Variants in C11orf65 observed in about 807,000 individuals in gnomAD.
The protein encoded by C11orf65 is chromosome 11 open reading frame 65.
In C11orf65, 38 loss-of-function variants were observed where a neutral mutation model predicts 35.3. The observed-to-expected ratio is 1.08, with a 90% CI of 0.83 to 1.41. C11orf65 has a LOEUF of 1.41. C11orf65 is among the 40% of genes most tolerant of loss of function. The probability of loss-of-function intolerance (pLI) is 0.00; values close to 1 mark genes in which losing one functional copy is unlikely to be tolerated. For missense variants in C11orf65, 370 were observed against 367.1 expected, an observed-to-expected ratio of 1.01 and a Z score of -0.06; for synonymous variants, 105 against 114.4, an observed-to-expected ratio of 0.92 and a Z score of 0.53.
chr11:108,444,079 T>G (rs1438699266), intron 2 of C11orf65, among the ~76,000 whole-genome samples: 1 of 151,972 alleles, frequency 6.6e-6, no homozygotes, highest in Non-Finnish European at 1.5e-5. Context: ...CTAGCAAGAC[T>G]AATAAAGAAG....
chr11:108,314,354 C>T (rs1368265985), intron 6 of C11orf65, among the ~76,000 whole-genome samples: 1 of 152,108 alleles, frequency 6.6e-6, no homozygotes, highest in East Asian at 1.9e-4. Context: ...AGTCTGCCTG[C>T]CTTGGCTACC....
At chr11:108,408,540 G>C (rs2092588980) in intron 3 of C11orf65, among the ~76,000 whole-genome samples, 1 of 151,644 alleles carries the variant, frequency 6.6e-6, no homozygotes, top group African/African-American at 2.4e-5. Flanking sequence ...GCTGGGTGTG[G>C]TGTCGGATGC....
intron 2 of C11orf65, among the ~76,000 whole-genome samples, chr11:108,445,883 T>TA (rs1290882453): frequency 1.3e-5 from 2 of 151,802 alleles, no homozygotes; most frequent in Non-Finnish European, 2.9e-5. Flanking sequence ...AAAAAAAAAT[T>TA]AGACGAATGG....
At chr11:108,446,533 A>C (rs1300248949) in intron 2 of C11orf65, among the ~76,000 whole-genome samples, 19 of 151,750 alleles carry the variant, frequency 1.3e-4, no homozygotes, top group Non-Finnish European at 2.5e-4. Context: ...AGCCAAACTA[A>C]GCTTCATCAG....
intron 2 of C11orf65, among the ~76,000 whole-genome samples, chr11:108,338,087 G>A (rs1334968514): frequency 1.3e-5 from 2 of 152,226 alleles, no homozygotes; most frequent in African/African-American, 2.4e-5. Context: ...GGTGGCCCAC[G>A]CCTGTAATCC....
chr11:108,308,994 T>G, exon 7 of C11orf65: 2 of 1,527,304 alleles, frequency 1.3e-6, no homozygotes, highest in Non-Finnish European at 8.8e-7. Context: ...AGAATGGTGT[T>G]GACATTAGCA....
intron 2 of C11orf65, among the ~76,000 whole-genome samples, chr11:108,448,069 C>T (rs2093290671): frequency 6.6e-6 from 1 of 152,092 alleles, no homozygotes; most frequent in Admixed American, 6.6e-5. Context: ...ATACACCCTC[C>T]CAAGACTAAA....
chr11:108,416,621 T>C lies in C11orf65; in HGVS notation c.175-9472A>G, dbSNP rs184601304. ...TGAACCTGGGAGGCAGAGGTTGCAA[T>C]GAGCTGAGATTGTGACACTGCACTC... On this transcript the variant is annotated intron_variant, in intron 3 of 8. Coordinates refer to ENST00000393084, the MANE Select transcript of C11orf65 (RefSeq NM_152587.5). Among the ~76,000 whole-genome samples, 108 of 152,230 alleles carry C rather than the reference T, an allele frequency of 7.1e-4. 1 individual carries two copies. Among genetic ancestry groups the C allele is most frequent in the African/African-American group, 2.5e-3 (102 of 41,546 alleles).
At chr11:108,331,276 A>C, downstream of C11orf65, 1 of 1,371,958 alleles carries the variant, frequency 7.3e-7, no homozygotes, top group South Asian at 1.7e-5. Flanking sequence ...ACCCATTAGA[A>C]AGACCTTCAG....
At chr11:108,310,970 G>A (rs1252226101) in intron 6 of C11orf65, among the ~76,000 whole-genome samples, 1 of 152,066 alleles carries the variant, frequency 6.6e-6, no homozygotes, top group Non-Finnish European at 1.5e-5. Context: ...CTTTTCAAAT[G>A]TTTGTTCGTT....
intron 6 of C11orf65, among the ~76,000 whole-genome samples, chr11:108,396,555 G>A (rs1228608560): frequency 6.6e-6 from 1 of 151,998 alleles, no homozygotes; most frequent in African/African-American, 2.4e-5. Flanking sequence ...CTATTGGCCG[G>A]TTGCGGTGGC....
chr11:108,365,423 G>A lies in C11orf65; in HGVS notation c.226+27785C>T, dbSNP rs201199629. On this transcript the variant is annotated intron_variant, in intron 2 of 3. Coordinates refer to the C11orf65 transcript ENST00000524755. The stretch of plus-strand genomic sequence containing the variant: ...GAAGAAGGCACTGTGCTCAGTGTTG[G>A]TGGACAAGTGAATTTGCTCATACAG... 630 of 1,614,062 alleles carry A rather than the reference G, an allele frequency of 3.9e-4. No homozygotes were observed. The highest frequency in any genetic ancestry group is 5.2e-4 in the Non-Finnish European group (608 of 1,180,042).
chr11:108,405,474 A>C lies in C11orf65; in HGVS notation c.515T>G (p.Leu172Trp). 1 of 1,613,516 alleles carries C rather than the reference A, an allele frequency of 6.2e-7. No individual in the cohort carries two copies. Among genetic ancestry groups the C allele is most frequent in the Non-Finnish European group, 8.5e-7 (1 of 1,179,858 alleles). The change falls in exon 6 of 9, where the codon TTG becomes TGG. Residue 172 changes from leucine (L) to tryptophan (W), a missense_variant. Leu to Trp is a moderately conservative substitution (Grantham distance 61). Transcript: ENST00000393084. The part of the protein sequence containing the change: ...HFSKLKRRQD[L>W]EKKRKLRKIE... ...TTTTCTAAGTTTTCTTTTCTTTTCC[A>C]AATCTTGCCTTCTCTTCAGTTTAGA...
At chr11:108,373,777 A>G (rs1346128169) in intron 2 of C11orf65, among the ~76,000 whole-genome samples, 1 of 152,196 alleles carries the variant, frequency 6.6e-6, no homozygotes, top group Non-Finnish European at 1.5e-5. Flanking sequence ...CTGGTCAAGG[A>G]AAGGGGTGAC....
chr11:108,364,358 G>C (rs548366155), intron 2 of C11orf65, among the ~76,000 whole-genome samples: 1 of 152,230 alleles, frequency 6.6e-6, no homozygotes, highest in African/African-American at 2.4e-5. Context: ...AGAGCAGTTA[G>C]CTGTTCTGAA....
At position 108,331,973 on chromosome 11, in the gene C11orf65, C is replaced by A. The variant is rs1591172186; in HGVS notation, c.300-406G>T. On this transcript the variant is annotated intron_variant, in intron 3 of 3. Transcript: ENST00000524755. ...AACAGAGATGAATTTCTGACTAAAC[C>A]AGAGGTAGCCAGAAGAAGCAGAATA... 6.2e-7 allele frequency: 1 copy of A among 1,613,960 alleles called. No individual in the cohort carries two copies. The highest frequency in any genetic ancestry group is 8.5e-7 in the Non-Finnish European group (1 of 1,179,962).
intron 2 of C11orf65, among the ~76,000 whole-genome samples, chr11:108,452,774 G>C (rs957258201): frequency 3.3e-5 from 5 of 152,036 alleles, no homozygotes; most frequent in Non-Finnish European, 7.4e-5. Context: ...TGATAGACTG[G>C]ATTAAGAAAA....
At chr11:108,389,011 C>T (rs899667565) in intron 7 of C11orf65, among the ~76,000 whole-genome samples, 5 of 152,190 alleles carry the variant, frequency 3.3e-5, no homozygotes, top group Admixed American at 3.3e-4. Context: ...TCTGTCATAA[C>T]GGACTAGAAC....
In C11orf65 at chr11:108,312,491, G is replaced by T. The variant is rs775921052; in HGVS notation, c.641-3420C>A. On this transcript the variant is annotated intron_variant, in intron 6 of 6. Coordinates refer to the C11orf65 transcript ENST00000525729. ...AAAAGTAAAGAAGAAACTGGAATAA[G>T]TTTACAGGTAAATATTAGAGGCTCT... The T allele has an allele frequency of 6.4e-7, 1 of 1,561,198 alleles. No individual in the cohort carries two copies. The highest frequency in any genetic ancestry group is 1.7e-4 in the Middle Eastern group (1 of 5,942).
Sources: allele counts gnomAD v4.1 joint callset (sites outside exome capture counted in the v4.1 genomes callset), GRCh38; gene constraint gnomAD v4.1.1; transcripts MANE v1.5; gene names NCBI Gene and HGNC (gene_info 2026-07-23, HGNC 2026-07-21).